Variants in EXD3 observed in about 807,000 individuals in gnomAD.
EXD3 encodes exonuclease mut-7 homolog.
EXD3 carries 92 observed loss-of-function variants against 98.0 expected under a neutral mutation model. The observed-to-expected ratio is 0.94, with a 90% CI of 0.79 to 1.12. The LOEUF is 1.12. Among genes scored for constraint, EXD3 ranks in the 50% most tolerant of loss-of-function variants. The pLI, the probability that EXD3 is intolerant of heterozygous loss-of-function variation, is 0.00. For synonymous variants in EXD3, 569 were observed against 526.0 expected (o/e 1.08, Z -1.12); for missense variants, 1,222 against 1,191.6 (o/e 1.03, Z -0.38).
chr9:137,307,162 C>T lies in EXD3; in HGVS notation c.2419G>A (p.Asp807Asn), dbSNP rs199943268. The T allele has an allele frequency of 5.3e-5, 84 of 1,589,860 alleles. No homozygotes were observed. In the African/African-American group the frequency reaches 8.5e-4, roughly 16 times the overall value. Residue 807 changes from aspartate to asparagine, a missense_variant, in exon 22 of 22, where the codon GAC (aspartate) becomes AAC (asparagine). By Grantham distance (23) the Asp-to-Asn change is conservative (BLOSUM62 1). Coordinates refer to ENST00000340951, the MANE Select transcript of EXD3 (RefSeq NM_017820.5). ...LRAETPDMLA[D>N]GTRLQLAGVP... is the part of the protein sequence containing the mutation. Reference sequence around the variant, plus strand: ...CCTGCCAGCTGCAGCCGGGTGCCGTCGGCCAGCATGTCCGGTGTCTCCGCC... The same window carrying T: ...CCTGCCAGCTGCAGCCGGGTGCCGTTGGCCAGCATGTCCGGTGTCTCCGCC...
Position 137,367,918 on chromosome 9 carries a change from C to G in EXD3, c.516+18G>C, listed in dbSNP as rs753702726. The G allele has an allele frequency of 6.2e-7, 1 of 1,611,080 alleles. No individual in the cohort carries two copies. The highest frequency in any genetic ancestry group is 1.3e-5 in the African/African-American group (1 of 74,924). On this transcript the variant is annotated intron_variant, in intron 6 of 21. Transcript: ENST00000340951. ...TCCAAGTTTGAACCTAAACAATTTACATGAGAAAGACGTTCACCTTTTCAA... is the reference window on the plus strand; with the variant it reads ...TCCAAGTTTGAACCTAAACAATTTAGATGAGAAAGACGTTCACCTTTTCAA...
In EXD3 at chr9:137,371,330, C is replaced by T. The variant is rs77641763; in HGVS notation, c.462+1575G>A. Among the ~76,000 whole-genome samples, 13,805 of 152,216 alleles carry T rather than the reference C, an allele frequency of 0.091. 882 individuals carry two copies. The highest frequency in any genetic ancestry group is 0.13 in the Non-Finnish European group (8,504 of 67,972). ...TGGTGGCTTCTCAGCGCCATGCACC[C>T]GCCGCGAGACGACGGCCCCGGGCGT... On this transcript the variant is annotated intron_variant, in intron 5 of 21. Transcript: ENST00000340951. This position sits in a 1 kb window ranked among gnomAD's most constrained non-coding sequence, Gnocchi z 8.0.
chr9:137,310,587 G>A (rs1482183598), intron 19 of EXD3, among the ~76,000 whole-genome samples: 6 of 152,176 alleles, frequency 3.9e-5, no homozygotes, highest in Non-Finnish European at 5.9e-5. Flanking sequence ...GGGGGTGGGG[G>A]CAGGGAGGCC....
chr9:137,395,449 G>A lies in EXD3; in HGVS notation c.-47-45C>T. The A allele has an allele frequency of 3.8e-6, 6 of 1,579,586 alleles. No individual in the cohort carries two copies. The South Asian group carries it at 6.7e-5, about 18-fold the overall frequency. On this transcript the variant is annotated intron_variant, in intron 1 of 21. Transcript: ENST00000340951. The surrounding 1 kb of genome is among the most constrained non-coding windows in gnomAD (Gnocchi z 6.5). ...GGTGAATGCAGAGCCCACTGCAACA[G>A]GCAGCCATGCAGAGCCCACGCCCAC...
chr9:137,422,675 C>G (rs1176124804), intron 1 of EXD3, among the ~76,000 whole-genome samples: 1 of 152,238 alleles, frequency 6.6e-6, no homozygotes, highest in African/African-American at 2.4e-5. Context: ...GACTCAGCGC[C>G]GGTGGACAGG....
intron 1 of EXD3, among the ~76,000 whole-genome samples, chr9:137,418,329 G>A (rs986680121): frequency 4.6e-5 from 7 of 152,314 alleles, no homozygotes; most frequent in East Asian, 1.9e-4. Context: ...CAGCCTGGGC[G>A]ACAAGAGCGA....
In EXD3 at chr9:137,339,459, CT is replaced by C. The variant is rs1833536390; in HGVS notation, c.1998+8611del. On this transcript the variant is annotated intron_variant, in intron 17 of 21. Transcript: ENST00000340951. ...GGGAGGATCACTTGAGCCCAGGAGT[CT>C]GAGGCCAGCCTGGGTAACACAGCAA... Among the ~76,000 whole-genome samples the C allele has an allele frequency of 2.1e-5, 3 of 139,784 alleles. No individual in the cohort carries two copies. In the South Asian group the frequency reaches 6.7e-4, roughly 31 times the overall value. The allele number at this position is 139,784 out of a possible 152,430, so 91.7% of individuals were successfully genotyped here.
chr9:137,360,704 G>A lies in EXD3; in HGVS notation c.657-4336C>T, dbSNP rs1281628299. Among the ~76,000 whole-genome samples, 24 of 84,336 alleles carry A rather than the reference G, an allele frequency of 2.8e-4. 5 individuals carry two copies. The highest frequency in any genetic ancestry group is 6.9e-4 in the African/African-American group (21 of 30,524). The allele number at this position is 84,336 out of a possible 152,430, so 55.3% of individuals were successfully genotyped here. A position where few individuals can be genotyped will look rare whatever the true frequency, so the allele number is the denominator to read the frequency against. ...TGGAACTCCTGACCTCAAGTGATCC[G>A]CCTGCCTCAACCTCCCAAAGTGCTG... On this transcript the variant is annotated intron_variant, in intron 7 of 21. Transcript: ENST00000340951.
intron 17 of EXD3, among the ~76,000 whole-genome samples, chr9:137,339,560 C>T (rs536149181): frequency 2.7e-5 from 4 of 150,328 alleles, no homozygotes; most frequent in East Asian, 1.9e-4. Flanking sequence ...GGGTAATATG[C>T]GGGACCAAGT....
rs2119245959 is a variant in EXD3, at chr9:137,355,364, A to C, written c.758-591T>G. Among the ~76,000 whole-genome samples the C allele has an allele frequency of 2.6e-5, 4 of 151,414 alleles. 1 individual carries two copies. Among genetic ancestry groups the C allele is most frequent in the Non-Finnish European group, 2.9e-5 (2 of 67,838 alleles). On this transcript the variant is annotated intron_variant, in intron 8 of 21. Coordinates refer to ENST00000340951, the MANE Select transcript of EXD3 (RefSeq NM_017820.5). ...CCGACCTTTCAGGGCCCCACCCCCC[A>C]CGCCCAGAGCGCAGCCACGGGGAGC... is the stretch of plus-strand genomic sequence containing the variant.
At chr9:137,325,514 G>A (rs966180987) in intron 17 of EXD3, among the ~76,000 whole-genome samples, 2 of 151,982 alleles carry the variant, frequency 1.3e-5, no homozygotes, top group Non-Finnish European at 2.9e-5. Context: ...CTCACTGCAA[G>A]CTCTGCCTCC....
intron 17 of EXD3, among the ~76,000 whole-genome samples, chr9:137,335,132 A>G (rs1833288455): frequency 6.6e-6 from 1 of 152,094 alleles, no homozygotes; most frequent in African/African-American, 2.4e-5. Flanking sequence ...GAATGGAAGA[A>G]AATATTTGCA....
chr9:137,378,947 T>C (rs1242617972), intron 3 of EXD3, among the ~76,000 whole-genome samples: 1 of 121,274 alleles, frequency 8.2e-6, no homozygotes, highest in South Asian at 2.8e-4. Flanking sequence ...ACGGGGTTTG[T>C]GGGTGACGGT....
intron 17 of EXD3, among the ~76,000 whole-genome samples, chr9:137,327,134 T>C (rs1444345805): frequency 6.8e-6 from 1 of 147,008 alleles, no homozygotes; most frequent in Non-Finnish European, 1.5e-5. Flanking sequence ...TGGTACGGAG[T>C]CTTTTTTTTT....
At position 137,377,960 on chromosome 9, in the gene EXD3, A is replaced by G. The variant is rs536461307; in HGVS notation, c.121-4361T>C. ...AGGTGCAGGCCACCACGCCTGGCCA[A>G]GTTTTTATATTTTTAGTAGAGATAG... On this transcript the variant is annotated intron_variant, in intron 3 of 21. Coordinates refer to ENST00000340951, the MANE Select transcript of EXD3 (RefSeq NM_017820.5). Among the ~76,000 whole-genome samples the G allele has an allele frequency of 1.8e-3, 264 of 150,554 alleles. 2 individuals carry two copies. The highest frequency in any genetic ancestry group is 0.01 in the Middle Eastern group (3 of 288).
chr9:137,332,896 T>C (rs1833161784), intron 17 of EXD3, among the ~76,000 whole-genome samples: 1 of 152,118 alleles, frequency 6.6e-6, no homozygotes. Flanking sequence ...CTTCAAATTA[T>C]ACTTGTGAGG....
chr9:137,359,940 G>A lies in EXD3; in HGVS notation c.657-3572C>T. ...TGGACTCGGACAACATATGTCATAG[G>A]GTTGGCATACTTTTTTTGCTTTAGT... is the stretch of plus-strand genomic sequence containing the variant. On this transcript the variant is annotated intron_variant, in intron 7 of 21. Transcript: ENST00000340951. 2.3e-5 allele frequency among the ~76,000 whole-genome samples: 2 copies of A among 86,486 alleles called. 1 individual carries two copies. Among genetic ancestry groups the A allele is most frequent in the Non-Finnish European group, 5.7e-5 (2 of 35,090 alleles). 56.7% of individuals were successfully genotyped at this position (86,486 alleles called of 152,430 possible). A position where few individuals can be genotyped will look rare whatever the true frequency, so the allele number is the denominator to read the frequency against.
chr9:137,389,066 C>G (rs13295443), intron 2 of EXD3, among the ~76,000 whole-genome samples: 1 of 151,950 alleles, frequency 6.6e-6, no homozygotes, highest in Admixed American at 6.5e-5. Context: ...CCCTCTGCCA[C>G]GAGTCTGTCT....
rs1837284492 is a variant in EXD3, at chr9:137,397,735, G to C, written c.-47-2331C>G. On this transcript the variant is annotated intron_variant, in intron 1 of 21. Transcript: ENST00000340951. Reference sequence around the variant, plus strand: ...AGGCTGAGGCGGGAGGATCACTTGAGCCCAGGAGTTTGAGACCATCCTAGG... The same window carrying C: ...AGGCTGAGGCGGGAGGATCACTTGACCCCAGGAGTTTGAGACCATCCTAGG... Among the ~76,000 whole-genome samples the C allele has an allele frequency of 2.6e-5, 4 of 152,072 alleles. No individual in the cohort carries two copies. The South Asian group carries it at 8.3e-4, about 32-fold the overall frequency.
Sources: gnomAD v4.1 joint callset for allele counts (sites outside exome capture counted in the v4.1 genomes callset) on GRCh38, gnomAD v4.1.1 for gene constraint, Gnocchi (gnomAD v3.1) non-coding constraint, MANE v1.5 for transcripts, NCBI Gene and HGNC (gene_info 2026-07-23, HGNC 2026-07-21) for gene names.